Variants in MAD1L1 observed in about 807,000 individuals in gnomAD.
The protein encoded by MAD1L1 is mitotic spindle assembly checkpoint protein MAD1.
In MAD1L1, 95 loss-of-function variants were observed where a neutral mutation model predicts 96.9. The observed-to-expected ratio is 0.98, with a 90% confidence interval of 0.83 to 1.16. The LOEUF (loss-of-function observed/expected upper bound fraction) is 1.16, where lower values mean the gene tolerates loss of function less well. MAD1L1 is among the 50% of genes most tolerant of loss of function. The probability of loss-of-function intolerance (pLI) is 0.00; values close to 1 mark genes in which losing one functional copy is unlikely to be tolerated. For missense variants in MAD1L1, 1,007 were observed against 954.4 expected (o/e 1.06, Z -0.73); for synonymous variants, 473 against 396.6 (o/e 1.19, Z -2.29).
chr7:2,164,343 G>A (rs1790314424), intron 10 of MAD1L1, among the ~76,000 whole-genome samples: 2 of 152,192 alleles, frequency 1.3e-5, no homozygotes, highest in Non-Finnish European at 2.9e-5. Flanking sequence ...CAGGTGAAGG[G>A]CCCAGCTGAG....
At chr7:2,150,192 C>T (rs965283542) in intron 10 of MAD1L1, among the ~76,000 whole-genome samples, 1 of 152,128 alleles carries the variant, frequency 6.6e-6, no homozygotes, top group Non-Finnish European at 1.5e-5. Context: ...GGAGAGGTCC[C>T]AGTCACTCTG....
At chr7:1,874,388 C>T (rs898694762) in intron 18 of MAD1L1, 11 of 384,470 alleles carry the variant, frequency 2.9e-5, no homozygotes, top group Admixed American at 9.9e-5. Flanking sequence ...GCAGCAGCAC[C>T]GGGACGGGGG....
intron 16 of MAD1L1, among the ~76,000 whole-genome samples, chr7:1,941,572 C>T (rs1044405331): frequency 4.2e-4 from 64 of 152,218 alleles, no homozygotes; most frequent in African/African-American, 1.5e-3. Context: ...GTGTGCAAAG[C>T]CACCGTGTCC....
chr7:1,866,973 G>A (rs1784807193), intron 18 of MAD1L1, among the ~76,000 whole-genome samples: 2 of 152,192 alleles, frequency 1.3e-5, no homozygotes, highest in African/African-American at 4.8e-5. Context: ...CAGCTCGGAG[G>A]TAGGGGAGGT....
intron 18 of MAD1L1, among the ~76,000 whole-genome samples, chr7:1,885,015 G>T (rs1583652265): frequency 6.6e-6 from 1 of 152,336 alleles, no homozygotes; most frequent in South Asian, 2.1e-4. Context: ...ACCCGTGTTG[G>T]TCAAAACCCA....
chr7:2,023,169 AG>A (rs2128502811), intron 12 of MAD1L1, among the ~76,000 whole-genome samples: 1 of 152,346 alleles, frequency 6.6e-6, no homozygotes, highest in South Asian at 2.1e-4. Flanking sequence ...AGAATTCAAT[AG>A]CCCCATCAAT....
intron 14 of MAD1L1, among the ~76,000 whole-genome samples, chr7:2,001,029 A>C (rs1584039546): frequency 6.6e-6 from 1 of 151,780 alleles, no homozygotes; most frequent in African/African-American, 2.4e-5. Flanking sequence ...CGCACCCACA[A>C]CCGCCACAGG....
Position 2,114,532 on chromosome 7 carries a change from G to A in MAD1L1, c.1073+34620C>T, listed in dbSNP as rs1787559590. 6.6e-6 allele frequency among the ~76,000 whole-genome samples: 1 copy of A among 152,236 alleles called. No homozygotes were observed. On this transcript the variant is annotated intron_variant, in intron 11 of 18. Coordinates refer to ENST00000265854, the MANE Select transcript of MAD1L1 (RefSeq NM_001013836.2). This position sits in a 1 kb window ranked among gnomAD's most constrained non-coding sequence, Gnocchi z 4.2. ...TTGCGGGTCACCTCCCTGCAGCAAGGCCCAAGCCGACGTCACGTGGCAGAA... is the reference window on the plus strand; with the variant it reads ...TTGCGGGTCACCTCCCTGCAGCAAGACCCAAGCCGACGTCACGTGGCAGAA...
chr7:2,118,972 G>C (rs1332102293), intron 11 of MAD1L1, among the ~76,000 whole-genome samples: 1 of 152,074 alleles, frequency 6.6e-6, no homozygotes, highest in Non-Finnish European at 1.5e-5. Context: ...CCTCCATCAA[G>C]GCCAAAAGCT....
At chr7:2,074,632 C>G (rs1227112854) in intron 11 of MAD1L1, among the ~76,000 whole-genome samples, 1 of 152,246 alleles carries the variant, frequency 6.6e-6, no homozygotes, top group African/African-American at 2.4e-5. Flanking sequence ...TGCAGGCTGA[C>G]CCCGGGCCCT....
intron 18 of MAD1L1, among the ~76,000 whole-genome samples, chr7:1,819,314 G>A (rs924709962): frequency 3.3e-5 from 5 of 152,178 alleles, no homozygotes; most frequent in African/African-American, 9.7e-5. Flanking sequence ...CTGCCTGGCC[G>A]GCCCGAGCTG....
intron 17 of MAD1L1, among the ~76,000 whole-genome samples, chr7:1,921,021 T>G (rs1788758934): frequency 6.6e-6 from 1 of 151,274 alleles, no homozygotes; most frequent in African/African-American, 2.4e-5. Context: ...GGTGGGGAGG[T>G]GGGAAGAGGG....
At chr7:2,079,350 C>T (rs1038059604) in intron 11 of MAD1L1, among the ~76,000 whole-genome samples, 2 of 152,156 alleles carry the variant, frequency 1.3e-5, no homozygotes, top group African/African-American at 2.4e-5. Flanking sequence ...TGTCAATACA[C>T]ATTTTTCTGA....
chr7:1,986,656 C>T (rs976789657), intron 14 of MAD1L1, among the ~76,000 whole-genome samples: 1 of 152,202 alleles, frequency 6.6e-6, no homozygotes. Context: ...GCACCACGGG[C>T]TTCCTGCCTC....
At chr7:1,975,357 G>A (rs1287372845) in intron 15 of MAD1L1, among the ~76,000 whole-genome samples, 1 of 152,162 alleles carries the variant, frequency 6.6e-6, no homozygotes, top group African/African-American at 2.4e-5. Context: ...CCAATCACTT[G>A]TACTCCAGAC....
chr7:2,011,542 C>T (rs1782301371), intron 13 of MAD1L1, among the ~76,000 whole-genome samples: 1 of 152,194 alleles, frequency 6.6e-6, no homozygotes, highest in Admixed American at 6.5e-5. Context: ...ACTGTCACTT[C>T]AGGGAAAGGC....
At chr7:2,122,395 A>T (rs1274055417) in intron 11 of MAD1L1, among the ~76,000 whole-genome samples, 2 of 152,200 alleles carry the variant, frequency 1.3e-5, no homozygotes, top group Admixed American at 6.5e-5. Context: ...TAGTAGGCCG[A>T]GGCAGGCAGA....
At chr7:2,203,242 C>A (rs552945654) in intron 10 of MAD1L1, among the ~76,000 whole-genome samples, 1 of 152,384 alleles carries the variant, frequency 6.6e-6, no homozygotes, top group Non-Finnish European at 1.5e-5. Context: ...TTGACACCCA[C>A]TCCCTTCCTA....
In MAD1L1 at chr7:2,014,488, C is replaced by G; in HGVS notation, c.1359+14G>C. The G allele has an allele frequency of 6.4e-7, 1 of 1,559,012 alleles. No homozygotes were observed. Among genetic ancestry groups the G allele is most frequent in the Non-Finnish European group, 8.7e-7 (1 of 1,153,944 alleles). ...CCACCTGGCGACGTGAGCCCCACGC[C>G]CGCGGCCCCTCACCTCCATCTCGGC... On this transcript the variant is annotated intron_variant, in intron 13 of 18. Transcript: ENST00000265854.
Sources: gnomAD v4.1 joint callset for allele counts (sites outside exome capture counted in the v4.1 genomes callset) on GRCh38, gnomAD v4.1.1 for gene constraint, Gnocchi (gnomAD v3.1) non-coding constraint, MANE v1.5 for transcripts, NCBI Gene and HGNC (gene_info 2026-07-23, HGNC 2026-07-21) for gene names.